Variants in IFRD1 observed in about 807,000 individuals in gnomAD.
IFRD1 encodes the protein interferon-related developmental regulator 1.
Under a neutral mutation model 52.9 loss-of-function variants are expected in IFRD1, and 35 were observed. The observed-to-expected ratio is 0.66, with a 90% CI of 0.51 to 0.88. The LOEUF (loss-of-function observed/expected upper bound fraction) is 0.88. Among genes scored for constraint, IFRD1 ranks in the 40% least tolerant of loss-of-function variants. The pLI is 0.00. For missense variants in IFRD1, 517 were observed against 550.8 expected (o/e 0.94, Z 0.61); for synonymous variants, 184 against 188.4 (o/e 0.98, Z 0.19).
At chr7:112,444,516 G>A (rs1010410035) in intron 1 of IFRD1, among the ~76,000 whole-genome samples, 1 of 151,864 alleles carries the variant, frequency 6.6e-6, no homozygotes, top group Non-Finnish European at 1.5e-5. Context: ...AACACAACAA[G>A]TGATAATCCA....
At chr7:112,454,882 T>G (rs1446751480) in intron 1 of IFRD1, among the ~76,000 whole-genome samples, 2 of 80,804 alleles carry the variant, frequency 2.5e-5, no homozygotes, top group African/African-American at 4.4e-5. Flanking sequence ...TTTTTTTTTT[T>G]TTGAGACAAG....
chr7:112,445,895 T>C (rs1795019847), upstream of IFRD1, among the ~76,000 whole-genome samples: 1 of 152,024 alleles, frequency 6.6e-6, no homozygotes, highest in Non-Finnish European at 1.5e-5. Context: ...CTACAATACA[T>C]ATTAAAAAAA....
At chr7:112,447,952 T>C (rs1277131145), upstream of IFRD1, among the ~76,000 whole-genome samples, 1 of 152,068 alleles carries the variant, frequency 6.6e-6, no homozygotes, top group African/African-American at 2.4e-5. Context: ...ATGTATGTAG[T>C]GATACATAAG....
chr7:112,429,920 A>ATTAAT (rs934411855), intron 1 of IFRD1, among the ~76,000 whole-genome samples: 2 of 152,222 alleles, frequency 1.3e-5, no homozygotes, highest in Admixed American at 1.3e-4. Context: ...TACTATTAGA[A>ATTAAT]GACACTTCTG....
At chr7:112,459,150 G>A in intron 5 of IFRD1, 132 bp downstream of exon 5, 1 of 751,000 alleles carries the variant, frequency 1.3e-6, no homozygotes, top group South Asian at 1.5e-5. Context: ...GGAGTTTGAG[G>A]CAGCGGTGAG....
At chr7:112,440,529 G>A (rs1794854784) in intron 1 of IFRD1, among the ~76,000 whole-genome samples, 1 of 152,112 alleles carries the variant, frequency 6.6e-6, no homozygotes, top group African/African-American at 2.4e-5. Flanking sequence ...GAATTCTTTT[G>A]GCTGGATTGG....
intron 9 of IFRD1, among the ~76,000 whole-genome samples, chr7:112,469,510 A>T (rs1795694086): frequency 6.6e-6 from 1 of 152,184 alleles, no homozygotes; most frequent in South Asian, 2.1e-4. Flanking sequence ...GTATCTCTAA[A>T]GTAAGCCATT....
At chr7:112,472,653 C>A in intron 10 of IFRD1, 113 bp from the exon 11 acceptor site, 1 of 796,918 alleles carries the variant, frequency 1.3e-6, no homozygotes. Context: ...AATAAGTGAT[C>A]TAAGTTTATC....
upstream of IFRD1, among the ~76,000 whole-genome samples, chr7:112,448,051 A>G (rs901633870): frequency 2.3e-4 from 35 of 150,204 alleles, no homozygotes; most frequent in African/African-American, 8.6e-4. Context: ...TATAATTTCA[A>G]TTTCAAATGT....
At chr7:112,431,930 T>C (rs1584464217) in intron 1 of IFRD1, among the ~76,000 whole-genome samples, 2 of 152,354 alleles carry the variant, frequency 1.3e-5, no homozygotes, top group South Asian at 4.1e-4. Context: ...TTTGGCGTCA[T>C]CTACATCCTA....
In IFRD1 at chr7:112,463,774, ATTTG is replaced by A. The variant is rs201608267; in HGVS notation, c.906+1400_906+1403del. Among the ~76,000 whole-genome samples, 1,094 of 151,510 alleles carry A rather than the reference ATTTG, an allele frequency of 7.2e-3. 2 individuals carry two copies. Among genetic ancestry groups the A allele is most frequent in the Middle Eastern group, 0.017 (5 of 294 alleles). On this transcript the variant is annotated intron_variant, in intron 8 of 11. Coordinates refer to ENST00000403825, the MANE Select transcript of IFRD1 (RefSeq NM_001550.4). The stretch of plus-strand genomic sequence containing the variant: ...ATGCAGTTTAAATTATACATGTTGA[ATTTG>A]TTTAAGTTTGTATAAACATATATAT...
upstream of IFRD1, chr7:112,450,424 T>C (rs1432007603): frequency 3.1e-5 from 16 of 516,236 alleles, no homozygotes; most frequent in Non-Finnish European, 4.6e-5. Flanking sequence ...CAGGTGGCGG[T>C]ATTGCTACTT....
rs755567074 is a variant in IFRD1, at chr7:112,450,697, GA to G, written c.11del (p.Asn4ThrfsTer48). On this transcript the variant is annotated frameshift_variant, in exon 1 of 12. Coordinates refer to ENST00000403825, the MANE Select transcript of IFRD1 (RefSeq NM_001550.4). LOFTEE classifies it high-confidence loss of function. ...GCACCGGGCGTCCCACGATGCCGAA[GA>G]ACAAGAAGCGGAACACTCCCCACCG... MPK[N>X]KKRNTPHRGS... 3.7e-6 allele frequency: 6 copies of G among 1,612,760 alleles called. No individual in the cohort carries two copies. The Admixed American group carries it at 8.3e-5, about 22-fold the overall frequency.
chr7:112,432,417 T>TTA (rs2117228876), intron 1 of IFRD1, among the ~76,000 whole-genome samples: 1 of 152,320 alleles, frequency 6.6e-6, no homozygotes, highest in South Asian at 2.1e-4. Flanking sequence ...TAACTTGCAG[T>TTA]TAGAGACATA....
At chr7:112,454,986 C>G (rs960486426) in intron 1 of IFRD1, among the ~76,000 whole-genome samples, 1 of 151,192 alleles carries the variant, frequency 6.6e-6, no homozygotes, top group African/African-American at 2.4e-5. Context: ...TCTGCCTCAG[C>G]CTCCCGAGTA....
upstream of IFRD1, among the ~76,000 whole-genome samples, chr7:112,445,999 T>G (rs959639953): frequency 2.0e-5 from 3 of 152,198 alleles, no homozygotes; most frequent in African/African-American, 7.2e-5. Context: ...ATCAGACAAT[T>G]TGGGGGGCCC....
At chr7:112,452,891 T>G (rs1248001029) in intron 1 of IFRD1, among the ~76,000 whole-genome samples, 1 of 152,258 alleles carries the variant, frequency 6.6e-6, no homozygotes, top group African/African-American at 2.4e-5. Context: ...TTTGGAAGTG[T>G]GTGCTAGAAC....
chr7:112,465,833 A>G (rs1795594304), intron 8 of IFRD1, among the ~76,000 whole-genome samples: 1 of 152,136 alleles, frequency 6.6e-6, no homozygotes, highest in Non-Finnish European at 1.5e-5. Flanking sequence ...GATTTTTTTT[A>G]AAAAGGTGAG....
intron 1 of IFRD1, among the ~76,000 whole-genome samples, chr7:112,442,328 G>T (rs1313590414): frequency 3.3e-5 from 5 of 152,182 alleles, no homozygotes; most frequent in African/African-American, 1.2e-4. Context: ...TCCATCTTTA[G>T]CAGAGTCATT....
Sources: allele counts gnomAD v4.1 joint callset (sites outside exome capture counted in the v4.1 genomes callset), GRCh38; gene constraint gnomAD v4.1.1; transcripts MANE v1.5; gene names NCBI Gene and HGNC (gene_info 2026-07-23, HGNC 2026-07-21).